TPD52L1: variants seen among roughly 807,000 people sequenced by gnomAD.
TPD52L1 encodes the protein TPD52 like 1, also known as tumor protein D53.
Under a neutral mutation model 28.7 loss-of-function variants are expected in TPD52L1, and 18 were observed. The observed-to-expected ratio is 0.63, with a 90% confidence interval of 0.43 to 0.93. The LOEUF is 0.93. Among genes scored for constraint, TPD52L1 ranks in the 40% least tolerant of loss-of-function variants. The pLI is 0.00. For synonymous variants in TPD52L1, 75 were observed against 88.8 expected (o/e 0.84, Z 0.88); for missense variants, 203 against 254.8 (o/e 0.80, Z 1.39).
intron 1 of TPD52L1, among the ~76,000 whole-genome samples, chr6:125,163,717 G>C (rs1473425513): frequency 6.6e-6 from 1 of 151,618 alleles, no homozygotes; most frequent in Non-Finnish European, 1.5e-5. Context: ...CCTGAGGTCA[G>C]GAGCTCAAGA....
chr6:125,229,210 G>A lies in TPD52L1; in HGVS notation c.228G>A (p.Met76Ile). Residue 76 changes from methionine to isoleucine, a missense_variant, in exon 3 of 7, where the codon ATG (methionine) becomes ATA (isoleucine). Physicochemically the swap from Met to Ile is conservative, Grantham distance 10 (BLOSUM62 1). Coordinates refer to ENST00000534000, the MANE Select transcript of TPD52L1 (RefSeq NM_003287.4). ...AACAAAAACTCGGCATGAACCTGAT[G>A]AATGAATTAAAACAGAACTTCAGCA... The part of the protein sequence containing the change: ...EIKQKLGMNL[M>I]NELKQNFSKS... 1 of 1,613,596 alleles carries A rather than the reference G, an allele frequency of 6.2e-7. No individual in the cohort carries two copies.
chr6:125,235,582 T>A (rs1463433004), intron 3 of TPD52L1, among the ~76,000 whole-genome samples: 1 of 152,192 alleles, frequency 6.6e-6, no homozygotes. Flanking sequence ...TGCTTTTAAG[T>A]ACTTGGAGCC....
At chr6:125,172,101 TTTC>T (rs1474969591) in intron 1 of TPD52L1, among the ~76,000 whole-genome samples, 3 of 54,172 alleles carry the variant, frequency 5.5e-5, no homozygotes, top group African/African-American at 2.1e-4. Flanking sequence ...TTTCTTTCCC[TTTC>T]TTTCTTTCTT....
intron 1 of TPD52L1, among the ~76,000 whole-genome samples, chr6:125,195,961 A>G (rs576508959): frequency 7.2e-5 from 11 of 152,256 alleles, no homozygotes; most frequent in Admixed American, 2.6e-4. Context: ...TCTGATAATC[A>G]TTGTATCTCC....
At chr6:125,192,311 C>CA (rs1301437187) in intron 1 of TPD52L1, among the ~76,000 whole-genome samples, 5 of 145,736 alleles carry the variant, frequency 3.4e-5, no homozygotes, top group South Asian at 2.3e-4. Flanking sequence ...AGAACAACAA[C>CA]AAAAAAAATC....
In TPD52L1 at chr6:125,196,682, GA is replaced by G. The variant is rs138593579; in HGVS notation, c.20-23394del. ...TGTGTAGCAAATTTCCTTGAAAATA[GA>G]ACTTTCTTTTTTCCTCACATCCCTG... On this transcript the variant is annotated intron_variant, in intron 1 of 6. Coordinates refer to ENST00000534000, the MANE Select transcript of TPD52L1 (RefSeq NM_003287.4). Among the ~76,000 whole-genome samples the G allele has an allele frequency of 7.6e-3, 1,157 of 152,242 alleles. 17 individuals carry two copies. The highest frequency in any genetic ancestry group is 0.027 in the African/African-American group (1,104 of 41,550).
chr6:125,228,228 A>G (rs912694277), intron 2 of TPD52L1, among the ~76,000 whole-genome samples: 3 of 152,168 alleles, frequency 2.0e-5, no homozygotes, highest in African/African-American at 7.2e-5. Flanking sequence ...AAAGGAAAGA[A>G]GAGGGAGGGA....
intron 1 of TPD52L1, among the ~76,000 whole-genome samples, chr6:125,211,269 A>G (rs1004671944): frequency 8.7e-6 from 1 of 115,054 alleles, no homozygotes; most frequent in African/African-American, 4.9e-5. Flanking sequence ...CTGTCTATCT[A>G]TCTATCTATC....
At chr6:125,172,512 CTATATATATATA>C (rs60135828) in intron 1 of TPD52L1, among the ~76,000 whole-genome samples, 949 of 16,418 alleles carry the variant, frequency 0.058, 72 homozygotes, top group African/African-American at 0.2. Flanking sequence ...CTCTTTCATG[CTATATATATATA>C]TATATATATA....
chr6:125,252,648 G>A (rs1287698064), intron 4 of TPD52L1: 1 of 152,154 alleles, frequency 6.6e-6, no homozygotes, highest in East Asian at 1.9e-4. Flanking sequence ...TTTTTCCTAA[G>A]AAAGCGGTCT....
At chr6:125,249,421 G>A (rs1797121466) in intron 4 of TPD52L1, among the ~76,000 whole-genome samples, 1 of 151,800 alleles carries the variant, frequency 6.6e-6, no homozygotes, top group African/African-American at 2.4e-5. Context: ...GCTCATGCCT[G>A]TAATCCCGTC....
intron 1 of TPD52L1, among the ~76,000 whole-genome samples, chr6:125,214,056 A>G (rs1357908198): frequency 4.6e-5 from 7 of 152,142 alleles, no homozygotes; most frequent in Non-Finnish European, 1.0e-4. Context: ...GAAGGGAGCT[A>G]CCTAATGGGA....
intron 1 of TPD52L1, among the ~76,000 whole-genome samples, chr6:125,193,130 T>C (rs1195459240): frequency 1.3e-5 from 2 of 152,180 alleles, no homozygotes; most frequent in East Asian, 3.9e-4. Context: ...ATCACTCTGC[T>C]GATAATTGTG....
In TPD52L1 at chr6:125,248,302, C is replaced by A. The variant is rs745906943; in HGVS notation, c.305C>A (p.Thr102Asn). Reference sequence around the variant, plus strand: ...TCTAGCTACAAGAAAACACATGAAACCCTGAGTCACGCAGGGCAAAAGGCA... The same window carrying A: ...TCTAGCTACAAGAAAACACATGAAAACCTGAGTCACGCAGGGCAAAAGGCA... ...TTTAYKKTHE[T>N]LSHAGQKATA... The change falls in exon 4 of 7, where the codon ACC (threonine) becomes AAC (asparagine). Residue 102 changes from threonine to asparagine, a missense_variant. By Grantham distance (65) the Thr-to-Asn change is moderately conservative. Transcript: ENST00000534000. 6 of 1,614,052 alleles carry A rather than the reference C, an allele frequency of 3.7e-6. No homozygotes were observed. The South Asian group carries it at 5.5e-5, about 15-fold the overall frequency.
At chr6:125,222,684 C>T (rs967996759) in intron 2 of TPD52L1, among the ~76,000 whole-genome samples, 2 of 152,202 alleles carry the variant, frequency 1.3e-5, no homozygotes, top group East Asian at 1.9e-4. Flanking sequence ...ACATAACAGG[C>T]AGCTGTGACC....
intron 6 of TPD52L1, chr6:125,260,936 GAAAGAAAGAAAGAAAGAAAGA>G (rs1206462491): frequency 1.3e-5 from 1 of 79,244 alleles, no homozygotes; most frequent in African/African-American, 4.9e-5. Context: ...AAGAAAGAAA[GAAAGAAAGAAAGAAAGAAAGA>G]AAGAAAGAAA....
intron 1 of TPD52L1, chr6:125,154,253 C>T: frequency 2.4e-6 from 3 of 1,234,928 alleles, no homozygotes; most frequent in Non-Finnish European, 2.0e-6. Context: ...GCCAGTCGCC[C>T]CTGGCCTTCC....
chr6:125,248,775 C>T (rs1374466987), intron 4 of TPD52L1, among the ~76,000 whole-genome samples: 2 of 151,922 alleles, frequency 1.3e-5, no homozygotes, highest in Non-Finnish European at 2.9e-5. Context: ...TTGTATACAT[C>T]CATCTAGTAT....
chr6:125,155,006 T>C (rs572563356), intron 1 of TPD52L1, among the ~76,000 whole-genome samples: 1 of 152,186 alleles, frequency 6.6e-6, no homozygotes, highest in Non-Finnish European at 1.5e-5. Context: ...TGAGAGTGGG[T>C]TGGCGATTGC....
Sources: gnomAD v4.1 joint callset for allele counts (sites outside exome capture counted in the v4.1 genomes callset) on GRCh38, gnomAD v4.1.1 for gene constraint, MANE v1.5 for transcripts, NCBI Gene and HGNC (gene_info 2026-07-23, HGNC 2026-07-21) for gene names.